The following NELL1 variants were observed in gnomAD, a reference collection of about 807,000 sequenced individuals.
NELL1 encodes the protein neural EGFL like 1, also known as protein kinase C-binding protein NELL1.
A neutral mutation model predicts 107.4 loss-of-function variants in NELL1; 76 were observed. That is an observed-to-expected ratio of 0.71 (90% CI 0.59 to 0.86). The LOEUF (loss-of-function observed/expected upper bound fraction) is 0.86, where lower values mean the gene tolerates loss of function less well. Ranked by LOEUF, NELL1 falls within the 40% of genes least tolerant of loss-of-function variation. The pLI is 0.00. For synonymous variants in NELL1, 353 were observed against 341.2 expected (o/e 1.03, Z -0.38); for missense variants, 1,024 against 1,005.5 (o/e 1.02, Z -0.25).
intron 13 of NELL1, among the ~76,000 whole-genome samples, chr11:21,121,053 G>A (rs895177601): frequency 1.3e-5 from 2 of 152,106 alleles, no homozygotes; most frequent in African/African-American, 2.4e-5. Context: ...TCTATCCCCA[G>A]AGATTTTGAT....
intron 15 of NELL1, among the ~76,000 whole-genome samples, chr11:21,458,320 A>G (rs563453850): frequency 6.6e-6 from 1 of 152,284 alleles, no homozygotes; most frequent in African/African-American, 2.4e-5. Flanking sequence ...ATGTGTGTAA[A>G]GAGCCTGAAA....
At chr11:21,152,111 C>T (rs1856130971) in intron 13 of NELL1, among the ~76,000 whole-genome samples, 1 of 152,190 alleles carries the variant, frequency 6.6e-6, no homozygotes, top group Non-Finnish European at 1.5e-5. Context: ...AAATCAACTT[C>T]TAATGTCCTG....
At chr11:21,334,703 G>T (rs1311437398) in intron 14 of NELL1, among the ~76,000 whole-genome samples, 1 of 151,862 alleles carries the variant, frequency 6.6e-6, no homozygotes, top group African/African-American at 2.4e-5. Flanking sequence ...TGTCTTCTGA[G>T]AATTTTAACC....
chr11:21,228,408 A>ATTT (rs1297661471), intron 13 of NELL1, among the ~76,000 whole-genome samples: 1 of 152,116 alleles, frequency 6.6e-6, no homozygotes, highest in Non-Finnish European at 1.5e-5. Context: ...AGATACGCAG[A>ATTT]GGTTAGATTC....
At chr11:20,871,997 C>A (rs796149600) in intron 4 of NELL1, among the ~76,000 whole-genome samples, 21 of 111,802 alleles carry the variant, frequency 1.9e-4, no homozygotes, top group African/African-American at 6.9e-4. Context: ...CCAGCCTGGG[C>A]GACAGAGAAA....
intron 14 of NELL1, chr11:21,259,991 C>T (rs1858864877): frequency 6.6e-6 from 1 of 151,900 alleles, no homozygotes; most frequent in African/African-American, 2.4e-5. Flanking sequence ...AAGTACAACT[C>T]AGCATAGTTC....
chr11:21,172,252 C>T (rs565600584), intron 13 of NELL1, among the ~76,000 whole-genome samples: 1 of 151,932 alleles, frequency 6.6e-6, no homozygotes, highest in Admixed American at 6.5e-5. Context: ...AGTAATTCTG[C>T]AGGACAAAAC....
chr11:20,685,583 G>C (rs1387213261), intron 2 of NELL1, among the ~76,000 whole-genome samples: 1 of 152,076 alleles, frequency 6.6e-6, no homozygotes, highest in African/African-American at 2.4e-5. Flanking sequence ...TCACTGATAA[G>C]GTGGGGGTAA....
chr11:20,675,568 G>A (rs1228720244), intron 1 of NELL1, among the ~76,000 whole-genome samples: 10 of 152,060 alleles, frequency 6.6e-5, no homozygotes, highest in Admixed American at 5.2e-4. Context: ...TGAAGGGCAC[G>A]TTCCCCAGAC....
At chr11:21,071,645 A>T (rs1011935365) in intron 12 of NELL1, among the ~76,000 whole-genome samples, 2 of 152,138 alleles carry the variant, frequency 1.3e-5, no homozygotes, top group African/African-American at 4.8e-5. Flanking sequence ...AAACTTTGAG[A>T]ATAATCTGAC....
chr11:21,339,864 C>T lies in NELL1; in HGVS notation c.1550-30989C>T, dbSNP rs539746403. 3.3e-5 allele frequency among the ~76,000 whole-genome samples: 5 copies of T among 152,256 alleles called. No homozygotes were observed. The South Asian group carries it at 1.0e-3, about 32-fold the overall frequency. ...CAACCTGACTAGACCTATAGAGGCC[C>T]CAGCTTCCCCAAAAGCTCCACAGGG... On this transcript the variant is annotated intron_variant, in intron 14 of 19. Coordinates refer to ENST00000357134, the MANE Select transcript of NELL1 (RefSeq NM_006157.5).
intron 15 of NELL1, among the ~76,000 whole-genome samples, chr11:21,486,121 C>G (rs1344222287): frequency 6.6e-6 from 1 of 152,076 alleles, no homozygotes; most frequent in Non-Finnish European, 1.5e-5. Flanking sequence ...ATTTCTGGAC[C>G]ATTCCTGATA....
At chr11:21,313,189 G>A (rs1223304627) in intron 14 of NELL1, among the ~76,000 whole-genome samples, 1 of 152,154 alleles carries the variant, frequency 6.6e-6, no homozygotes. Flanking sequence ...CAAATTCAAT[G>A]AGAAAGATAG....
At chr11:20,770,930 A>T (rs140076484) in intron 2 of NELL1, 1,969 of 150,686 alleles carry the variant, frequency 0.013, 20 homozygotes, top group Admixed American at 0.02. Flanking sequence ...TTTATTTGGC[A>T]CACATTGTAG....
intron 19 of NELL1, among the ~76,000 whole-genome samples, chr11:21,573,684 C>T (rs1302166930): frequency 6.6e-6 from 1 of 150,946 alleles, no homozygotes; most frequent in Non-Finnish European, 1.5e-5. Flanking sequence ...TTATGACTAA[C>T]TTAGGCTCTT....
chr11:21,216,809 A>G (rs189363721), intron 13 of NELL1, among the ~76,000 whole-genome samples: 2 of 152,300 alleles, frequency 1.3e-5, no homozygotes, highest in African/African-American at 4.8e-5. Context: ...GCCTTGTCTC[A>G]GATGATACCT....
At chr11:20,903,979 A>G (rs1849935747) in intron 5 of NELL1, among the ~76,000 whole-genome samples, 1 of 152,154 alleles carries the variant, frequency 6.6e-6, no homozygotes, top group African/African-American at 2.4e-5. Context: ...ATTTCAGCCC[A>G]TGTTCCTAGT....
intron 13 of NELL1, among the ~76,000 whole-genome samples, chr11:21,120,487 A>G (rs1271827930): frequency 6.6e-6 from 1 of 152,148 alleles, no homozygotes; most frequent in Non-Finnish European, 1.5e-5. Flanking sequence ...TCCACGGATC[A>G]TCATTATCTT....
chr11:21,265,957 T>C (rs1454439022), intron 14 of NELL1, among the ~76,000 whole-genome samples: 1 of 151,988 alleles, frequency 6.6e-6, no homozygotes, highest in African/African-American at 2.4e-5. Flanking sequence ...AATCCTTCCT[T>C]TCAGCCAAAC....
Sources: allele counts gnomAD v4.1 joint callset (sites outside exome capture counted in the v4.1 genomes callset), GRCh38; gene constraint gnomAD v4.1.1; transcripts MANE v1.5; gene names NCBI Gene and HGNC (gene_info 2026-07-23, HGNC 2026-07-21).